MORC1: variants seen among roughly 807,000 people sequenced by gnomAD.
The protein encoded by MORC1 is MORC family CW-type zinc finger 1.
A neutral mutation model predicts 134.9 loss-of-function variants in MORC1; 59 were observed. The observed-to-expected ratio is 0.44, with a 90% CI of 0.35 to 0.54. MORC1 has a LOEUF of 0.54. Ranked by LOEUF, MORC1 falls within the 20% of genes least tolerant of loss-of-function variation. MORC1 has a pLI of 0.00. For missense variants in MORC1, 947 were observed against 1,134.5 expected (o/e 0.83, Z 2.37); for synonymous variants, 395 against 391.7 (o/e 1.01, Z -0.10).
At chr3:109,011,614 C>G (rs1291586501) in intron 17 of MORC1, among the ~76,000 whole-genome samples, 1 of 151,960 alleles carries the variant, frequency 6.6e-6, no homozygotes, top group Non-Finnish European at 1.5e-5. Flanking sequence ...CTCCGCCTCC[C>G]AGGTTCAAGC....
At chr3:109,087,221 TG>T (rs1185508329) in intron 8 of MORC1, among the ~76,000 whole-genome samples, 2 of 151,768 alleles carry the variant, frequency 1.3e-5, no homozygotes, top group African/African-American at 2.4e-5. Context: ...AGAAAACTAT[TG>T]CTTGGCAATC....
chr3:109,065,962 A>T (rs1048300706), intron 9 of MORC1, among the ~76,000 whole-genome samples: 1 of 152,164 alleles, frequency 6.6e-6, no homozygotes, highest in African/African-American at 2.4e-5. Flanking sequence ...GGAGCTACAC[A>T]CTGAGCACAC....
intron 17 of MORC1, among the ~76,000 whole-genome samples, chr3:109,016,026 C>T (rs1319092182): frequency 6.6e-6 from 1 of 152,132 alleles, no homozygotes; most frequent in Non-Finnish European, 1.5e-5. Context: ...TCATATACAC[C>T]TCATACACAC....
rs74838772 is a variant in MORC1 at position 109,084,272 on chromosome 3, A to G, written c.689+9164T>C. Among the ~76,000 whole-genome samples the G allele has an allele frequency of 5.1e-3, 780 of 152,292 alleles. 18 individuals carry two copies. Among genetic ancestry groups the G allele is most frequent in the African/African-American group, 0.018 (748 of 41,580 alleles). ...TTTACAAAAAACTAAAGACACCACC[A>G]GCAAACTGTTAGAACTGATAAATTA... On this transcript the variant is annotated intron_variant, in intron 8 of 27. Transcript: ENST00000232603.
Position 108,959,088 on chromosome 3 carries a change from G to A in MORC1, c.2832C>T (p.Asp944=), listed in dbSNP as rs766633635. Reference sequence around the variant, plus strand: ...CTTTAAGCAAAGCTTCTAAATAAGTGTCAGTCTGCTCCAGGTCACCTTCTG... The same window carrying A: ...CTTTAAGCAAAGCTTCTAAATAAGTATCAGTCTGCTCCAGGTCACCTTCTG... ...GGPEGDLEQT[D]TYLEALLKED... is the part of the protein sequence containing the mutation. Residue 944 remains aspartate (D), a synonymous_variant, in exon 28 of 28, where the codon GAC becomes GAT. Transcript: ENST00000232603. 4 of 1,583,244 alleles carry A rather than the reference G, an allele frequency of 2.5e-6. No individual in the cohort carries two copies. Among genetic ancestry groups the A allele is most frequent in the Non-Finnish European group, 2.6e-6 (3 of 1,167,964 alleles).
At chr3:109,057,608 A>G (rs1436447103) in intron 12 of MORC1, 122 bp from the exon 13 acceptor site, 1 of 824,320 alleles carries the variant, frequency 1.2e-6, no homozygotes, top group Non-Finnish European at 1.7e-6. Context: ...TATTTTGCAA[A>G]ACCTGGTAGG....
At chr3:109,015,988 A>C (rs183979976) in intron 17 of MORC1, among the ~76,000 whole-genome samples, 1 of 152,306 alleles carries the variant, frequency 6.6e-6, no homozygotes, top group African/African-American at 2.4e-5. Flanking sequence ...TAGGGAACCC[A>C]AGTCTGAACA....
At chr3:109,069,785 A>G in intron 8 of MORC1, 28 bp from the exon 9 acceptor site, 1 of 1,592,936 alleles carries the variant, frequency 6.3e-7, no homozygotes, top group East Asian at 2.3e-5. Flanking sequence ...AAATGTCACA[A>G]TACAGAGGAC....
At chr3:108,960,846 T>C (rs995386655) in intron 27 of MORC1, among the ~76,000 whole-genome samples, 5 of 152,234 alleles carry the variant, frequency 3.3e-5, no homozygotes, top group African/African-American at 9.6e-5. Flanking sequence ...CATCCATTTT[T>C]CTTTAATAAT....
Position 108,982,586 on chromosome 3 carries a change from G to C in MORC1, c.2324+2130C>G, listed in dbSNP as rs533115926. Reference sequence around the variant, plus strand: ...CACACGGGGACCTGTCGTGGGATGGGGGGGGCAGGGGGAGGGATAGCATTA... The same window carrying C: ...CACACGGGGACCTGTCGTGGGATGGCGGGGGCAGGGGGAGGGATAGCATTA... On this transcript the variant is annotated intron_variant, in intron 23 of 27. Coordinates refer to ENST00000232603, the MANE Select transcript of MORC1 (RefSeq NM_014429.4). 1.7e-4 allele frequency among the ~76,000 whole-genome samples: 26 copies of C among 151,694 alleles called. No individual in the cohort carries two copies. In the South Asian group the frequency reaches 4.0e-3, roughly 23 times the overall value.
At chr3:109,035,996 A>G (rs1949370111) in intron 14 of MORC1, among the ~76,000 whole-genome samples, 1 of 152,138 alleles carries the variant, frequency 6.6e-6, no homozygotes, top group Admixed American at 6.5e-5. Flanking sequence ...GCTTGAAAAC[A>G]CTACTCATCA....
intron 20 of MORC1, among the ~76,000 whole-genome samples, chr3:109,001,742 C>T (rs1435306445): frequency 6.6e-6 from 1 of 152,196 alleles, no homozygotes; most frequent in East Asian, 1.9e-4. Flanking sequence ...TCTTCTTACC[C>T]ATTCAACCTC....
intron 3 of MORC1, among the ~76,000 whole-genome samples, chr3:109,105,678 CA>C (rs5851645): frequency 0.71 from 93,074 of 131,352 alleles, 31,154 homozygotes; most frequent in East Asian, 0.89. Flanking sequence ...GACCCTGTCT[CA>C]AAAAAAAAAA....
intron 5 of MORC1, among the ~76,000 whole-genome samples, chr3:109,099,894 GAA>G (rs563195073): frequency 6.6e-6 from 1 of 152,198 alleles, no homozygotes; most frequent in African/African-American, 2.4e-5. Context: ...AGGAATCTTT[GAA>G]AGAGGATTTA....
intron 14 of MORC1, among the ~76,000 whole-genome samples, chr3:109,036,501 T>A (rs1175141126): frequency 6.6e-6 from 1 of 152,072 alleles, no homozygotes; most frequent in Non-Finnish European, 1.5e-5. Context: ...TCTGTACATG[T>A]GCATATAAAA....
At chr3:109,079,124 C>G (rs926738029) in intron 8 of MORC1, among the ~76,000 whole-genome samples, 1 of 151,946 alleles carries the variant, frequency 6.6e-6, no homozygotes, top group African/African-American at 2.4e-5. Flanking sequence ...TTCTATGAGG[C>G]TACCATAATC....
chr3:109,053,106 TAAAA>T (rs200991752), intron 14 of MORC1, among the ~76,000 whole-genome samples: 1 of 101,448 alleles, frequency 9.9e-6, no homozygotes. Context: ...TGTTATAAAG[TAAAA>T]AAAAAAAAAA....
At chr3:108,989,056 A>T (rs1175833235) in intron 21 of MORC1, among the ~76,000 whole-genome samples, 2 of 152,096 alleles carry the variant, frequency 1.3e-5, no homozygotes, top group Non-Finnish European at 2.9e-5. Flanking sequence ...ATTTTCTTTG[A>T]AATAACATTG....
At chr3:109,056,700 AAAC>A (rs1388768299) in intron 13 of MORC1, among the ~76,000 whole-genome samples, 1 of 152,274 alleles carries the variant, frequency 6.6e-6, no homozygotes, top group Non-Finnish European at 1.5e-5. Flanking sequence ...CTTGTTAAAT[AAAC>A]AATGAATGAA....
Sources: gnomAD v4.1 joint callset for allele counts (sites outside exome capture counted in the v4.1 genomes callset) on GRCh38, gnomAD v4.1.1 for gene constraint, MANE v1.5 for transcripts, NCBI Gene and HGNC (gene_info 2026-07-23, HGNC 2026-07-21) for gene names.